ROBO1: variants seen among roughly 807,000 people sequenced by gnomAD.
ROBO1 encodes the protein roundabout guidance receptor 1.
A neutral mutation model predicts 195.9 loss-of-function variants in ROBO1; 149 were observed. The observed-to-expected ratio is 0.76, with a 90% CI of 0.67 to 0.87. The LOEUF (loss-of-function observed/expected upper bound fraction) is 0.87, where lower values mean the gene tolerates loss of function less well. Among genes scored for constraint, ROBO1 ranks in the 40% least tolerant of loss-of-function variants. The probability of loss-of-function intolerance (pLI) is 0.00; values close to 1 mark genes in which losing one functional copy is unlikely to be tolerated. For synonymous variants in ROBO1, 816 were observed against 733.2 expected, an observed-to-expected ratio of 1.11 and a Z score of -1.82; for missense variants, 1,933 against 2,068.3, an observed-to-expected ratio of 0.93 and a Z score of 1.27.
At chr3:79,321,106 T>TA (rs2033959126) in intron 2 of ROBO1, among the ~76,000 whole-genome samples, 1 of 152,178 alleles carries the variant, frequency 6.6e-6, no homozygotes, top group African/African-American at 2.4e-5. Context: ...AGATGCAAAA[T>TA]AAATAATCCT....
chr3:79,042,458 C>T (rs1226312242), intron 3 of ROBO1, among the ~76,000 whole-genome samples: 1 of 152,078 alleles, frequency 6.6e-6, no homozygotes, highest in Non-Finnish European at 1.5e-5. Flanking sequence ...TAAACTTCTC[C>T]ACGGCGCAAA....
At chr3:79,234,550 A>G (rs1371568373) in intron 2 of ROBO1, among the ~76,000 whole-genome samples, 1 of 152,166 alleles carries the variant, frequency 6.6e-6, no homozygotes, top group Non-Finnish European at 1.5e-5. Context: ...TATTCACAAT[A>G]GCAAAGACAT....
intron 2 of ROBO1, among the ~76,000 whole-genome samples, chr3:79,433,164 C>T (rs1380799734): frequency 6.6e-6 from 1 of 152,070 alleles, no homozygotes; most frequent in Non-Finnish European, 1.5e-5. Flanking sequence ...CTTCCTGATG[C>T]TCTTCCTCTT....
intron 2 of ROBO1, among the ~76,000 whole-genome samples, chr3:79,251,370 C>G (rs1220180259): frequency 6.6e-6 from 1 of 152,086 alleles, no homozygotes; most frequent in Non-Finnish European, 1.5e-5. Context: ...AATTTGTTTA[C>G]TTATTGTTCA....
At chr3:79,398,367 A>G (rs2037230739) in intron 2 of ROBO1, among the ~76,000 whole-genome samples, 1 of 152,178 alleles carries the variant, frequency 6.6e-6, no homozygotes, top group Non-Finnish European at 1.5e-5. Flanking sequence ...TATATTGAAG[A>G]CATAATGAAA....
At chr3:79,422,569 A>G (rs191437359) in intron 2 of ROBO1, among the ~76,000 whole-genome samples, 2 of 152,294 alleles carry the variant, frequency 1.3e-5, no homozygotes, top group East Asian at 1.9e-4. Flanking sequence ...AGAAAATAAG[A>G]ATGAGAAAGG....
chr3:79,594,234 G>A (rs969833775), intron 1 of ROBO1, among the ~76,000 whole-genome samples: 2 of 151,938 alleles, frequency 1.3e-5, no homozygotes, highest in Non-Finnish European at 2.9e-5. Flanking sequence ...TAAGATAATT[G>A]ATTTTAGTGA....
intron 2 of ROBO1, among the ~76,000 whole-genome samples, chr3:79,516,195 G>C (rs1940935864): frequency 6.6e-6 from 1 of 152,038 alleles, no homozygotes; most frequent in Admixed American, 6.6e-5. Context: ...GTGGTTTACT[G>C]TTAGTATAAT....
At chr3:78,902,088 C>T (rs989885209) in intron 4 of ROBO1, among the ~76,000 whole-genome samples, 1 of 152,152 alleles carries the variant, frequency 6.6e-6, no homozygotes, top group African/African-American at 2.4e-5. Flanking sequence ...GTCACAAATC[C>T]ATGACCACTT....
intron 2 of ROBO1, among the ~76,000 whole-genome samples, chr3:79,547,079 G>A (rs1942294215): frequency 6.6e-6 from 1 of 151,006 alleles, no homozygotes; most frequent in Non-Finnish European, 1.5e-5. Context: ...CAGCTACTCG[G>A]GAGGCTGAGG....
intron 2 of ROBO1, among the ~76,000 whole-genome samples, chr3:79,552,436 T>C (rs144484453): frequency 2.6e-5 from 4 of 152,254 alleles, no homozygotes; most frequent in African/African-American, 9.6e-5. Flanking sequence ...TCATTTCTTA[T>C]GCATTTTGTC....
chr3:79,237,091 A>G (rs533326542), intron 2 of ROBO1, among the ~76,000 whole-genome samples: 7 of 152,362 alleles, frequency 4.6e-5, no homozygotes, highest in Non-Finnish European at 7.3e-5. Flanking sequence ...CCATTAACAA[A>G]AAACAAGAAA....
At chr3:79,486,011 A>G (rs1939139701) in intron 2 of ROBO1, among the ~76,000 whole-genome samples, 1 of 152,110 alleles carries the variant, frequency 6.6e-6, no homozygotes, top group African/African-American at 2.4e-5. Flanking sequence ...GAACCACTTA[A>G]CCTGAATTTC....
intron 3 of ROBO1, among the ~76,000 whole-genome samples, chr3:78,963,605 G>A (rs1294173688): frequency 7.7e-6 from 1 of 129,170 alleles, no homozygotes; most frequent in Non-Finnish European, 1.6e-5. Context: ...TGCAAGCTCC[G>A]CCTCCCGGGT....
chr3:79,364,565 T>G (rs1236664130), intron 2 of ROBO1, among the ~76,000 whole-genome samples: 2 of 152,128 alleles, frequency 1.3e-5, no homozygotes, highest in Admixed American at 1.3e-4. Context: ...TAATCTTTTC[T>G]TCTCTGTGAT....
At chr3:79,073,834 G>T (rs1410038888) in intron 3 of ROBO1, among the ~76,000 whole-genome samples, 1 of 151,186 alleles carries the variant, frequency 6.6e-6, no homozygotes, top group African/African-American at 2.4e-5. Flanking sequence ...TTTGCTCCCT[G>T]GTTGGAACCT....
chr3:79,182,477 C>A (rs1212809625), intron 2 of ROBO1, among the ~76,000 whole-genome samples: 1 of 151,954 alleles, frequency 6.6e-6, no homozygotes, highest in East Asian at 1.9e-4. Context: ...ATTCACGATT[C>A]AGAGAAAAAT....
chr3:79,549,440 T>C (rs940401511), intron 2 of ROBO1, among the ~76,000 whole-genome samples: 18 of 152,130 alleles, frequency 1.2e-4, no homozygotes, highest in African/African-American at 4.1e-4. Context: ...CAGTCGGCCC[T>C]CCGTATCTAT....
At chr3:78,600,370 T>C in intron 29 of ROBO1, 61 bp from the exon 30 acceptor site, 2 of 1,060,802 alleles carry the variant, frequency 1.9e-6, no homozygotes, top group East Asian at 2.4e-5. Flanking sequence ...CTGTATATTG[T>C]ATCACTCCTG....
Sources: gnomAD v4.1 joint callset for allele counts (sites outside exome capture counted in the v4.1 genomes callset) on GRCh38, gnomAD v4.1.1 for gene constraint, MANE v1.5 for transcripts, NCBI Gene and HGNC (gene_info 2026-07-23, HGNC 2026-07-21) for gene names.